Variants in KIAA0586 observed in about 807,000 individuals in gnomAD.
The protein encoded by KIAA0586 is KIAA0586.
In KIAA0586, 144 loss-of-function variants were observed where a neutral mutation model predicts 169.8. The ratio of observed to expected loss-of-function variants is 0.85; its 90% confidence interval spans 0.74 to 0.97. KIAA0586 has a LOEUF of 0.97. Ranked by LOEUF, KIAA0586 falls within the 50% of genes least tolerant of loss-of-function variation. The pLI is 0.00. For missense variants in KIAA0586, 1,854 were observed against 1,823.0 expected, an observed-to-expected ratio of 1.02 and a Z score of -0.31; for synonymous variants, 625 against 612.4, an observed-to-expected ratio of 1.02 and a Z score of -0.30.
chr14:58,445,110 TACACACACACATACATACACACACACAC>T (rs1387335566), intron 6 of KIAA0586, among the ~76,000 whole-genome samples: 4 of 147,096 alleles, frequency 2.7e-5, no homozygotes, highest in Non-Finnish European at 6.0e-5. Flanking sequence ...AAGAACTATA[TACACACACACATACATACACACACACAC>T]ACACACACAC....
Position 58,499,541 on chromosome 14 carries a change from C to T in KIAA0586, c.4168+581C>T, listed in dbSNP as rs185102204. Among the ~76,000 whole-genome samples the T allele has an allele frequency of 2.2e-3, 336 of 151,306 alleles. 3 individuals carry two copies. Among genetic ancestry groups the T allele is most frequent in the Non-Finnish European group, 3.0e-3 (205 of 67,872 alleles). ...TGCTGGAATTACAGGTGTGAGCCAC[C>T]GCGCCTAGCCTATTTTATTTTATTT... On this transcript the variant is annotated intron_variant, in intron 27 of 30. Coordinates refer to ENST00000652326, the MANE Select transcript of KIAA0586 (RefSeq NM_001329943.3).
At chr14:58,450,845 T>C in intron 8 of KIAA0586, 99 bp downstream of exon 8, 1 of 688,776 alleles carries the variant, frequency 1.5e-6, no homozygotes. Context: ...TTTGTAATAT[T>C]TTACTTTAAA....
intron 29 of KIAA0586, among the ~76,000 whole-genome samples, chr14:58,538,584 A>T (rs1363997460): frequency 4.6e-5 from 7 of 151,776 alleles, no homozygotes; most frequent in Non-Finnish European, 1.0e-4. Flanking sequence ...ATCCAATTAT[A>T]CTCAGTTATT....
chr14:58,461,006 A>G lies in KIAA0586; in HGVS notation c.1905A>G (p.Thr635=). ...CACAGGGGCTTTTGAAAGCAACCAC[A>G]GTAATACAAGATGAAGATTATATGT... The part of the protein sequence containing the change: ...ERKEGLLKAT[T]VIQDEDYMLQ... The change falls in exon 14 of 31, where the codon ACA becomes ACG. Residue 635 remains threonine, a synonymous_variant. Transcript: ENST00000652326. 6.2e-7 allele frequency: 1 copy of G among 1,605,978 alleles called. No individual in the cohort carries two copies. Among genetic ancestry groups the G allele is most frequent in the South Asian group, 1.1e-5 (1 of 89,770 alleles).
At chr14:58,511,251 T>C (rs1658755057) in intron 28 of KIAA0586, among the ~76,000 whole-genome samples, 1 of 152,174 alleles carries the variant, frequency 6.6e-6, no homozygotes, top group South Asian at 2.1e-4. Context: ...AAAATTCCCT[T>C]GTTAGATTTC....
At chr14:58,477,772 C>T (rs1203015507) in intron 20 of KIAA0586, among the ~76,000 whole-genome samples, 1 of 151,032 alleles carries the variant, frequency 6.6e-6, no homozygotes, top group East Asian at 1.9e-4. Context: ...TTTTCTTCCT[C>T]TTCTTTTTCT....
chr14:58,528,893 TA>T (rs1040669670), intron 29 of KIAA0586, among the ~76,000 whole-genome samples: 4 of 151,806 alleles, frequency 2.6e-5, no homozygotes, highest in African/African-American at 7.3e-5. Flanking sequence ...ACAAAACCCT[TA>T]AAAAAATCAA....
chr14:58,497,062 C>T (rs1175157723), intron 26 of KIAA0586, among the ~76,000 whole-genome samples: 2 of 151,734 alleles, frequency 1.3e-5, no homozygotes, highest in Non-Finnish European at 2.9e-5. Flanking sequence ...ACAACCTCCA[C>T]CTCCTGGGTT....
Position 58,461,003 on chromosome 14 carries a change from C to A in KIAA0586, c.1902C>A (p.Thr634=). Residue 634 remains threonine, a synonymous_variant, in exon 14 of 31, where the codon ACC becomes ACA. Coordinates refer to ENST00000652326, the MANE Select transcript of KIAA0586 (RefSeq NM_001329943.3). ...KERKEGLLKA[T]TVIQDEDYML... ...ACACACAGGGGCTTTTGAAAGCAAC[C>A]ACAGTAATACAAGATGAAGATTATA... 1 of 1,593,124 alleles carries A rather than the reference C, an allele frequency of 6.3e-7. No homozygotes were observed. Among genetic ancestry groups the A allele is most frequent in the Non-Finnish European group, 8.5e-7 (1 of 1,171,466 alleles).
intron 20 of KIAA0586, among the ~76,000 whole-genome samples, chr14:58,478,766 A>T (rs1171592047): frequency 6.6e-6 from 1 of 152,210 alleles, no homozygotes; most frequent in African/African-American, 2.4e-5. Flanking sequence ...ACTGGCCCCT[A>T]ACAACACTGA....
intron 21 of KIAA0586, 116 bp downstream of exon 21, chr14:58,482,828 G>A: frequency 1.3e-6 from 1 of 746,796 alleles, no homozygotes; most frequent in Admixed American, 3.6e-5. Flanking sequence ...TAGAGACATG[G>A]TCTTTATTTA....
intron 20 of KIAA0586, among the ~76,000 whole-genome samples, chr14:58,478,876 A>G (rs1288995610): frequency 6.6e-6 from 1 of 152,200 alleles, no homozygotes; most frequent in Non-Finnish European, 1.5e-5. Context: ...TTATTAGCAT[A>G]ATATTTTGAC....
In KIAA0586 at chr14:58,521,682, T is replaced by C. The variant is rs184642047; in HGVS notation, c.4429+9055T>C. On this transcript the variant is annotated intron_variant, in intron 29 of 30. Transcript: ENST00000652326. ...GCCATTAAGAAGGAATTGACCCAGATAAAACAAAAAGTGGATTCTCTCTTA... is the reference window on the plus strand; with the variant it reads ...GCCATTAAGAAGGAATTGACCCAGACAAAACAAAAAGTGGATTCTCTCTTA... The C allele has an allele frequency of 5.9e-5, 56 of 949,170 alleles. No individual in the cohort carries two copies. In the African/African-American group the frequency reaches 8.2e-4, roughly 14 times the overall value. The allele number at this position is 949,170 out of a possible 1,614,324, so 58.8% of individuals were successfully genotyped here.
At chr14:58,518,627 C>T (rs757645546) in intron 29 of KIAA0586, among the ~76,000 whole-genome samples, 1 of 152,260 alleles carries the variant, frequency 6.6e-6, no homozygotes, top group Non-Finnish European at 1.5e-5. Flanking sequence ...ACACTCTACG[C>T]TACTAAGCTT....
At chr14:58,453,530 T>C in intron 9 of KIAA0586, 57 bp downstream of exon 9, 1 of 1,246,324 alleles carries the variant, frequency 8.0e-7, no homozygotes, top group South Asian at 1.7e-5. Flanking sequence ...TTAAGATTTT[T>C]CAAATTTCTT....
chr14:58,539,022 C>T (rs1045144971), intron 29 of KIAA0586, among the ~76,000 whole-genome samples: 6 of 152,164 alleles, frequency 3.9e-5, no homozygotes, highest in African/African-American at 1.4e-4. Context: ...TCAAGTGATC[C>T]ACCTGTCTCA....
downstream of KIAA0586, among the ~76,000 whole-genome samples, chr14:58,552,500 T>C (rs936467121): frequency 2.2e-4 from 33 of 152,302 alleles, no homozygotes; most frequent in African/African-American, 7.9e-4. Flanking sequence ...ATCAGAGCTC[T>C]TTTTCTGGGT....
At chr14:58,506,217 C>T (rs2043929525) in intron 27 of KIAA0586, among the ~76,000 whole-genome samples, 1 of 151,494 alleles carries the variant, frequency 6.6e-6, no homozygotes, top group African/African-American at 2.4e-5. Flanking sequence ...TAGAAAAAGG[C>T]GTATCAGAAT....
In KIAA0586 at chr14:58,474,700, C is replaced by T. The variant is rs752882356; in HGVS notation, c.2728C>T (p.Pro910Ser). 23 of 1,613,268 alleles carry T rather than the reference C, an allele frequency of 1.4e-5. No homozygotes were observed. The highest frequency in any genetic ancestry group is 1.7e-5 in the Non-Finnish European group (20 of 1,179,536). Residue 910 changes from proline to serine, a missense_variant, in exon 19 of 31, where the codon CCA (proline) becomes TCA (serine). Physicochemically the swap from Pro to Ser is moderately conservative, Grantham distance 74. Transcript: ENST00000652326. ...TGATTCTACAAAATATAATGGTCCTCCATTTCCGCCAGTTGCTTCTACTTT... is the reference window on the plus strand; with the variant it reads ...TGATTCTACAAAATATAATGGTCCTTCATTTCCGCCAGTTGCTTCTACTTT... Reference protein sequence around the residue: ...KADSTKYNGPPFPPVASTFQP... With the variant: ...KADSTKYNGPSFPPVASTFQP...
Sources: gnomAD v4.1 joint callset for allele counts (sites outside exome capture counted in the v4.1 genomes callset) on GRCh38, gnomAD v4.1.1 for gene constraint, MANE v1.5 for transcripts, NCBI Gene and HGNC (gene_info 2026-07-23, HGNC 2026-07-21) for gene names.